Variants in TM4SF1 observed in about 807,000 individuals in gnomAD.
The protein encoded by TM4SF1 is transmembrane 4 L6 family member 1.
A neutral mutation model predicts 24.5 loss-of-function variants in TM4SF1; 20 were observed. The ratio of observed to expected loss-of-function variants is 0.82; its 90% CI spans 0.57 to 1.19. TM4SF1 has a LOEUF of 1.19. Ranked by LOEUF, TM4SF1 falls within the 50% of genes most tolerant of loss-of-function variation. TM4SF1 has a pLI of 0.00. For synonymous variants in TM4SF1, 107 were observed against 95.4 expected (o/e 1.12, Z -0.71); for missense variants, 258 against 248.1 (o/e 1.04, Z -0.27).
At chr3:149,370,628 G>A (rs1331751465) in intron 4 of TM4SF1, 1 of 152,128 alleles carries the variant, frequency 6.6e-6, no homozygotes, top group East Asian at 1.9e-4. Context: ...GCTCCATATT[G>A]AAGGTTTCCC....
chr3:149,369,660 AC>A lies in TM4SF1; in HGVS notation c.*205del, dbSNP rs1339118714. On this transcript the variant is annotated 3_prime_UTR_variant, in exon 5 of 5. Coordinates refer to ENST00000305366, the MANE Select transcript of TM4SF1 (RefSeq NM_014220.3). ...TTGTTTCCTCATTCCTTAAAAAAAA[AC>A]AAAAACAAATAAACAAACAAAAAAG... 4.9e-6 allele frequency: 3 copies of A among 607,324 alleles called. No homozygotes were observed. Among genetic ancestry groups the A allele is most frequent in the East Asian group, 3.3e-5 (1 of 30,566 alleles). The allele number at this position is 607,324 out of a possible 1,614,324, so 37.6% of individuals were successfully genotyped here.
At chr3:149,373,596 C>T (rs927577471) in intron 3 of TM4SF1, among the ~76,000 whole-genome samples, 1 of 152,128 alleles carries the variant, frequency 6.6e-6, no homozygotes, top group Non-Finnish European at 1.5e-5. Context: ...TTTTGTGGCC[C>T]TGTCTTTCTG....
chr3:149,371,313 G>T (rs1034998432), intron 4 of TM4SF1: 2 of 394,952 alleles, frequency 5.1e-6, no homozygotes, highest in East Asian at 4.9e-5. Flanking sequence ...TGCATTGAAT[G>T]GTTGGCTATT....
chr3:149,371,716 T>G lies in TM4SF1; in HGVS notation c.565A>C (p.Ile189Leu). The G allele has an allele frequency of 3.7e-6, 6 of 1,614,176 alleles. No homozygotes were observed. The highest frequency in any genetic ancestry group is 4.2e-6 in the Non-Finnish European group (5 of 1,180,016). ...TGGTGAGAGCAGCAAAAGCCACATA[T>G]GCCTCCAAGCACTCCATTTATTACT... The part of the protein sequence containing the change: ...IQVINGVLGG[I>L]CGFCCSHQQQ... The change falls in exon 4 of 5, where the codon ATA becomes CTA. Residue 189 changes from isoleucine (I) to leucine (L), a missense_variant. Ile to Leu is a conservative substitution (Grantham distance 5). Coordinates refer to ENST00000305366, the MANE Select transcript of TM4SF1 (RefSeq NM_014220.3).
Position 149,369,814 on chromosome 3 carries a change from T to C in TM4SF1, c.*52A>G, listed in dbSNP as rs377015972. On this transcript the variant is annotated 3_prime_UTR_variant, in exon 5 of 5. Transcript: ENST00000305366. ...TACAAATGAATACAAGTGAAATATA[T>C]AAATTACAATGAAATAGAGGAAGAT... 1.9e-6 allele frequency: 3 copies of C among 1,606,320 alleles called. No individual in the cohort carries two copies. In the African/African-American group the frequency reaches 4.0e-5, roughly 22 times the overall value.
chr3:149,371,369 C>T, intron 4 of TM4SF1: 1 of 540,090 alleles, frequency 1.9e-6, no homozygotes, highest in Non-Finnish European at 3.3e-6. Context: ...AAAGAGCAGA[C>T]ATCACTTTTT....
At chr3:149,373,222 T>C (rs1412999932) in intron 3 of TM4SF1, among the ~76,000 whole-genome samples, 2 of 152,188 alleles carry the variant, frequency 1.3e-5, no homozygotes, top group African/African-American at 4.8e-5. Flanking sequence ...TAAATAACAA[T>C]ATGAAGTTGC....
rs1268517913 is a variant in TM4SF1 at position 149,371,699 on chromosome 3, G to A, written c.582C>T (p.Cys194=). The A allele has an allele frequency of 8.7e-6, 14 of 1,614,172 alleles. No homozygotes were observed. In the East Asian group the frequency reaches 1.8e-4, roughly 21 times the overall value. ...GVLGGICGFC[C]SHQQQYDC is the part of the protein sequence containing the mutation. ...TGCAGGTTCTTACCTGTTGGTGAGA[G>A]CAGCAAAAGCCACATATGCCTCCAA... The change falls in exon 4 of 5, where the codon TGC becomes TGT. Residue 194 remains cysteine (C), a synonymous_variant. Transcript: ENST00000305366.
At position 149,375,541 on chromosome 3, in the gene TM4SF1, G is replaced by A; in HGVS notation, c.315C>T (p.Gly105=). ...CAAGGGCTGCCACAATGACACAGTAGCCAGATCCTGCAATTCCAATGAGAG... is the reference window on the plus strand; with the variant it reads ...CAAGGGCTGCCACAATGACACAGTAACCAGATCCTGCAATTCCAATGAGAG... The part of the protein sequence containing the change: ...LAALIGIAGS[G]YCVIVAALGL... The change falls in exon 3 of 5, where the codon GGC becomes GGT. Residue 105 remains glycine (G), a synonymous_variant. Transcript: ENST00000305366. 1 of 1,614,226 alleles carries A rather than the reference G, an allele frequency of 6.2e-7. No individual in the cohort carries two copies. Among genetic ancestry groups the A allele is most frequent in the East Asian group, 2.2e-5 (1 of 44,896 alleles).
At chr3:149,373,562 T>C (rs1731880454) in intron 3 of TM4SF1, among the ~76,000 whole-genome samples, 1 of 152,220 alleles carries the variant, frequency 6.6e-6, no homozygotes, top group African/African-American at 2.4e-5. Context: ...AGATTATAGT[T>C]GTTCATTTCA....
chr3:149,374,759 A>G (rs1731908162), intron 3 of TM4SF1, among the ~76,000 whole-genome samples: 1 of 152,216 alleles, frequency 6.6e-6, no homozygotes, highest in Non-Finnish European at 1.5e-5. Flanking sequence ...GGGTAAGGGC[A>G]TGGTTTGCCC....
In TM4SF1 at chr3:149,369,813, A is replaced by G. The variant is rs1731776818; in HGVS notation, c.*53T>C. The G allele has an allele frequency of 6.2e-7, 1 of 1,606,594 alleles. No homozygotes were observed. Among genetic ancestry groups the G allele is most frequent in the Admixed American group, 1.7e-5 (1 of 58,408 alleles). On this transcript the variant is annotated 3_prime_UTR_variant, in exon 5 of 5. Transcript: ENST00000305366. ...TTACAAATGAATACAAGTGAAATAT[A>G]TAAATTACAATGAAATAGAGGAAGA...
intron 3 of TM4SF1, among the ~76,000 whole-genome samples, chr3:149,373,448 G>C (rs1731877876): frequency 6.6e-6 from 1 of 152,170 alleles, no homozygotes; most frequent in South Asian, 2.1e-4. Context: ...ATTCCACAAA[G>C]AGGCCTGGTA....
chr3:149,377,368 T>A lies in TM4SF1; in HGVS notation c.177+3A>T, dbSNP rs774625094. Reference sequence around the variant, plus strand: ...AATTCAGTAATAATCCTGAATGACTTACCAGCAGGCCACCTCCTACGATGC... The same window carrying A: ...AATTCAGTAATAATCCTGAATGACTAACCAGCAGGCCACCTCCTACGATGC... On this transcript the variant is annotated splice_donor_region_variant and intron_variant, in intron 1 of 4. Coordinates refer to ENST00000305366, the MANE Select transcript of TM4SF1 (RefSeq NM_014220.3). The A allele has an allele frequency of 1.2e-6, 2 of 1,612,356 alleles. No homozygotes were observed. The highest frequency in any genetic ancestry group is 1.7e-6 in the Non-Finnish European group (2 of 1,179,178).
chr3:149,371,458 G>A, intron 4 of TM4SF1: 1 of 605,882 alleles, frequency 1.7e-6, no homozygotes, highest in Non-Finnish European at 2.9e-6. Context: ...GCATGTTCTT[G>A]TGTACATAGA....
chr3:149,372,014 A>G, intron 3 of TM4SF1, 147 bp from the exon 4 acceptor site: 1 of 714,400 alleles, frequency 1.4e-6, no homozygotes, highest in Non-Finnish European at 2.3e-6. Flanking sequence ...ATGTCATTCC[A>G]CAAAATGGAG....
In TM4SF1 at chr3:149,375,558, C is replaced by T. The variant is rs1731930625; in HGVS notation, c.298G>A (p.Gly100Arg). ...MLSSVLAALI[G>R]IAGSGYCVIV... is the part of the protein sequence containing the mutation. ...ACACAGTAGCCAGATCCTGCAATTCCAATGAGAGCAGCCAATACAGAAGAA... is the reference window on the plus strand; with the variant it reads ...ACACAGTAGCCAGATCCTGCAATTCTAATGAGAGCAGCCAATACAGAAGAA... Residue 100 changes from glycine to arginine, a missense_variant, in exon 3 of 5, where the codon GGA becomes AGA. Coordinates refer to ENST00000305366, the MANE Select transcript of TM4SF1 (RefSeq NM_014220.3). 2 of 1,614,188 alleles carry T rather than the reference C, an allele frequency of 1.2e-6. No homozygotes were observed. Among genetic ancestry groups the T allele is most frequent in the South Asian group, 1.1e-5 (1 of 91,078 alleles).
chr3:149,371,623 A>T (rs760279114), intron 4 of TM4SF1, 64 bp downstream of exon 4: 42 of 1,582,168 alleles, frequency 2.7e-5, no homozygotes, highest in Non-Finnish European at 3.5e-5. Flanking sequence ...CTTTTTCTTT[A>T]TGATGAAAAC....
chr3:149,369,942 C>T lies in TM4SF1; in HGVS notation c.595-62G>A, dbSNP rs1040682675. 8.4e-6 allele frequency: 13 copies of T among 1,551,196 alleles called. No individual in the cohort carries two copies. In the African/African-American group the frequency reaches 1.8e-4, roughly 22 times the overall value. On this transcript the variant is annotated intron_variant, in intron 4 of 4. Coordinates refer to ENST00000305366, the MANE Select transcript of TM4SF1 (RefSeq NM_014220.3). ...GGATAAATAATGATGACATTTTAGT[C>T]CTTTAAGTTCCTATTTTAAGCAAAC...
Sources: allele counts gnomAD v4.1 joint callset (sites outside exome capture counted in the v4.1 genomes callset), GRCh38; gene constraint gnomAD v4.1.1; transcripts MANE v1.5; gene names NCBI Gene and HGNC (gene_info 2026-07-23, HGNC 2026-07-21).